Variants in TNNI3K observed in about 807,000 individuals in gnomAD.
The protein encoded by TNNI3K is TNNI3 interacting kinase.
TNNI3K carries 140 observed loss-of-function variants against 114.5 expected under a neutral mutation model. That is an observed-to-expected ratio of 1.22 (90% confidence interval 1.07 to 1.41). TNNI3K has a LOEUF of 1.41. Ranked by LOEUF, TNNI3K falls within the 40% of genes most tolerant of loss-of-function variation. The probability of loss-of-function intolerance (pLI) is 0.00; values close to 1 mark genes in which losing one functional copy is unlikely to be tolerated. For missense variants in TNNI3K, 1,125 were observed against 1,007.6 expected (o/e 1.12, Z -1.58); for synonymous variants, 347 against 347.5 (o/e 1.00, Z 0.02).
intron 4 of TNNI3K, among the ~76,000 whole-genome samples, chr1:74,256,703 C>A (rs1655336451): frequency 6.6e-6 from 1 of 152,024 alleles, no homozygotes; most frequent in East Asian, 1.9e-4. Context: ...AAATGTTGAT[C>A]TACTTCACTT....
At chr1:74,540,696 G>A (rs1646716494) in intron 24 of TNNI3K, among the ~76,000 whole-genome samples, 1 of 151,814 alleles carries the variant, frequency 6.6e-6, no homozygotes, top group Non-Finnish European at 1.5e-5. Context: ...CCCACATTAA[G>A]TGTGTGTGGG....
rs146494791 is a variant in TNNI3K, at chr1:74,306,961, C to A, written c.445-24489C>A. ...AGGTCAATTCCCGAAGAGTTTTTAA[C>A]CAGGTCTTCTCATAGGGCTTTTATA... On this transcript the variant is annotated intron_variant, in intron 5 of 24. Coordinates refer to ENST00000326637, the MANE Select transcript of TNNI3K (RefSeq NM_015978.3). 3.3e-3 allele frequency among the ~76,000 whole-genome samples: 497 copies of A among 152,154 alleles called. 4 individuals carry two copies. Among genetic ancestry groups the A allele is most frequent in the African/African-American group, 0.011 (437 of 41,512 alleles).
chr1:74,390,368 T>C (rs1663700357), intron 17 of TNNI3K, among the ~76,000 whole-genome samples: 1 of 152,158 alleles, frequency 6.6e-6, no homozygotes, highest in Non-Finnish European at 1.5e-5. Context: ...TCTGCTTTGA[T>C]TGTGTAACAG....
At chr1:74,391,957 A>ATTATTATTTTTTT (rs1369570973) in intron 17 of TNNI3K, among the ~76,000 whole-genome samples, 112 of 93,006 alleles carry the variant, frequency 1.2e-3, no homozygotes, top group Non-Finnish European at 1.6e-3. Flanking sequence ...ACAGCTTATT[A>ATTATTATTTTTTT]TTTTTTTTTT....
chr1:74,361,268 C>T (rs1321788809), intron 11 of TNNI3K, among the ~76,000 whole-genome samples: 1 of 151,978 alleles, frequency 6.6e-6, no homozygotes. Flanking sequence ...ATGAGTTTGT[C>T]CTCATCTTTC....
chr1:74,328,129 A>G (rs6424578), intron 5 of TNNI3K, among the ~76,000 whole-genome samples: 12,795 of 152,154 alleles, frequency 0.084, 556 homozygotes, highest in Non-Finnish European at 0.1. Context: ...TGTTTATATT[A>G]CCTTATGCCT....
At chr1:74,256,885 C>T (rs2344187) in intron 4 of TNNI3K, among the ~76,000 whole-genome samples, 11,337 of 152,026 alleles carry the variant, frequency 0.075, 522 homozygotes, top group African/African-American at 0.13. Context: ...ATATGCTTTT[C>T]GGAAGTTTGA....
At chr1:74,438,053 T>A (rs1339500208) in intron 19 of TNNI3K, among the ~76,000 whole-genome samples, 1 of 151,724 alleles carries the variant, frequency 6.6e-6, no homozygotes, top group Non-Finnish European at 1.5e-5. Context: ...AAATTAGTGC[T>A]AATAAATAAA....
At chr1:74,429,507 C>T (rs1467662723) in intron 17 of TNNI3K, among the ~76,000 whole-genome samples, 1 of 151,864 alleles carries the variant, frequency 6.6e-6, no homozygotes, top group East Asian at 1.9e-4. Context: ...TGGCAGCTGC[C>T]AAAAGTTCAT....
chr1:74,489,616 T>G (rs1441407057), intron 22 of TNNI3K, among the ~76,000 whole-genome samples: 1 of 152,206 alleles, frequency 6.6e-6, no homozygotes, highest in Non-Finnish European at 1.5e-5. Context: ...CATTGTTCAT[T>G]TACATTCAAT....
intron 23 of TNNI3K, among the ~76,000 whole-genome samples, chr1:74,511,476 A>G (rs1557618023): frequency 6.6e-6 from 1 of 152,100 alleles, no homozygotes; most frequent in Non-Finnish European, 1.5e-5. Context: ...TTAACAATAT[A>G]TTACTTACAG....
intron 23 of TNNI3K, among the ~76,000 whole-genome samples, chr1:74,538,994 T>A (rs1181596802): frequency 6.6e-6 from 1 of 152,106 alleles, no homozygotes; most frequent in Admixed American, 6.6e-5. Context: ...AGTAGGTGAA[T>A]GATGTAATCT....
intron 4 of TNNI3K, among the ~76,000 whole-genome samples, chr1:74,251,400 TATA>T (rs67298786): frequency 0.083 from 6,742 of 80,892 alleles, 461 homozygotes; most frequent in African/African-American, 0.21. Context: ...ATTTTATAAT[TATA>T]ATAACAATTT....
chr1:74,368,531 C>T (rs1160596414), intron 13 of TNNI3K, among the ~76,000 whole-genome samples: 1 of 151,780 alleles, frequency 6.6e-6, no homozygotes, highest in Non-Finnish European at 1.5e-5. Context: ...ATTGGCATCC[C>T]TTTGAGGTTA....
At chr1:74,313,626 C>G (rs1037562597) in intron 5 of TNNI3K, among the ~76,000 whole-genome samples, 4 of 152,124 alleles carry the variant, frequency 2.6e-5, no homozygotes, top group Admixed American at 1.3e-4. Context: ...CTACTGCATT[C>G]CCTCCATAGA....
Position 74,445,603 on chromosome 1 carries a change from C to CTTT in TNNI3K, c.2011+5987_2011+5989dup. Among the ~76,000 whole-genome samples, 301 of 131,156 alleles carry CTTT rather than the reference C, an allele frequency of 2.3e-3. 13 individuals are homozygous for CTTT. The highest frequency in any genetic ancestry group is 9.0e-3 in the African/African-American group (293 of 32,712). The allele number at this position is 131,156 out of a possible 152,430, so 86.0% of individuals were successfully genotyped here. ...CCATGGTGTATATGTTCCACATTTT[C>CTTT]TTTTTTTTCTTTTTTTCTTTTTTTT... On this transcript the variant is annotated intron_variant, in intron 20 of 24. Coordinates refer to ENST00000326637, the MANE Select transcript of TNNI3K (RefSeq NM_015978.3).
intron 23 of TNNI3K, among the ~76,000 whole-genome samples, chr1:74,538,031 C>A (rs1028031794): frequency 6.6e-6 from 1 of 152,046 alleles, no homozygotes; most frequent in African/African-American, 2.4e-5. Context: ...TGTCAGGATT[C>A]AAATTCAAGG....
At chr1:74,276,558 TA>T (rs1264854567) in intron 5 of TNNI3K, among the ~76,000 whole-genome samples, 1 of 152,102 alleles carries the variant, frequency 6.6e-6, no homozygotes, top group Non-Finnish European at 1.5e-5. Context: ...CTTACTATGC[TA>T]AAAATTTAGG....
intron 4 of TNNI3K, among the ~76,000 whole-genome samples, chr1:74,252,383 G>A (rs935321652): frequency 3.9e-5 from 6 of 151,998 alleles, no homozygotes; most frequent in Non-Finnish European, 5.9e-5. Context: ...ATATTAAAAG[G>A]CCATAAGAAA....
Sources: gnomAD v4.1 joint callset for allele counts (sites outside exome capture counted in the v4.1 genomes callset) on GRCh38, gnomAD v4.1.1 for gene constraint, MANE v1.5 for transcripts, NCBI Gene and HGNC (gene_info 2026-07-23, HGNC 2026-07-21) for gene names.